The following PGR variants were observed in gnomAD, a reference collection of about 807,000 sequenced individuals.
PGR encodes the protein progesterone receptor, also known as nuclear receptor subfamily 3 group C member 3.
A neutral mutation model predicts 76.1 loss-of-function variants in PGR; 25 were observed. That is an observed-to-expected ratio of 0.33 (90% CI 0.24 to 0.46). The LOEUF (loss-of-function observed/expected upper bound fraction) is 0.46, where lower values mean the gene tolerates loss of function less well. Among genes scored for constraint, PGR ranks in the 20% least tolerant of loss-of-function variants. The probability of loss-of-function intolerance (pLI) is 1.00; values close to 1 mark genes in which losing one functional copy is unlikely to be tolerated. For missense variants in PGR, 1,172 were observed against 1,225.3 expected, an observed-to-expected ratio of 0.96 and a Z score of 0.65; for synonymous variants, 579 against 535.0, an observed-to-expected ratio of 1.08 and a Z score of -1.14.
intron 3 of PGR, among the ~76,000 whole-genome samples, chr11:101,088,620 C>G (rs1861573246): frequency 6.6e-6 from 1 of 152,162 alleles, no homozygotes; most frequent in Non-Finnish European, 1.5e-5. Context: ...GCATGAGCCA[C>G]CGCTCCCGGC....
intron 2 of PGR, among the ~76,000 whole-genome samples, chr11:101,113,270 C>CTT (rs879882028): frequency 1.3e-5 from 2 of 148,198 alleles, no homozygotes; most frequent in African/African-American, 2.5e-5. Context: ...TAAATATCTT[C>CTT]TTTTTTTTTT....
intron 3 of PGR, among the ~76,000 whole-genome samples, chr11:101,071,171 C>A (rs1312207978): frequency 3.3e-5 from 5 of 152,134 alleles, no homozygotes; most frequent in Non-Finnish European, 7.3e-5. Context: ...GCTAGTGATA[C>A]CCAGGCAAAC....
In PGR at chr11:101,128,048, C is replaced by T. The variant is rs762789408; in HGVS notation, c.1023G>A (p.Pro341=). ...ACGAGGCACAGGGTGAACTCCGCGG[C>T]GGGGCAAAGGCGCTGGCAGCCCCGG... is the stretch of plus-strand genomic sequence containing the variant. ...GGAGAASAFA[P]PRSSPCASST... Residue 341 remains proline, a synonymous_variant, in exon 1 of 8, where the codon CCG becomes CCA. Transcript: ENST00000325455. The T allele has an allele frequency of 6.2e-7, 1 of 1,604,444 alleles. No homozygotes were observed. Among genetic ancestry groups the T allele is most frequent in the South Asian group, 1.1e-5 (1 of 91,062 alleles).
At chr11:101,105,895 C>T (rs1024665811) in intron 2 of PGR, among the ~76,000 whole-genome samples, 2 of 152,068 alleles carry the variant, frequency 1.3e-5, no homozygotes, top group African/African-American at 4.8e-5. Flanking sequence ...GACCAATGGA[C>T]AGAAAAGAGA....
intron 3 of PGR, among the ~76,000 whole-genome samples, chr11:101,074,329 A>C (rs1312912874): frequency 3.9e-5 from 6 of 152,198 alleles, no homozygotes; most frequent in Non-Finnish European, 8.8e-5. Flanking sequence ...CCGTATCTCA[A>C]AATAATAAGA....
In PGR at chr11:101,111,401, A is replaced by G. The variant is rs547055362; in HGVS notation, c.1789+14606T>C. On this transcript the variant is annotated intron_variant, in intron 2 of 7. Coordinates refer to ENST00000325455, the MANE Select transcript of PGR (RefSeq NM_000926.4). Reference sequence around the variant, plus strand: ...CAGATCTCGATCAAAGAGTATTTTAAATAATCTTAGGTCTGATCTCCCTGG... The same window carrying G: ...CAGATCTCGATCAAAGAGTATTTTAGATAATCTTAGGTCTGATCTCCCTGG... Among the ~76,000 whole-genome samples, 25 of 152,276 alleles carry G rather than the reference A, an allele frequency of 1.6e-4. No individual in the cohort carries two copies. The South Asian group carries it at 5.0e-3, about 30-fold the overall frequency.
Position 101,096,097 on chromosome 11 carries a change from C to T in PGR, c.1790-4221G>A. On this transcript the variant is annotated intron_variant, in intron 2 of 7. Coordinates refer to ENST00000325455, the MANE Select transcript of PGR (RefSeq NM_000926.4). ...AGTATAAATAAGGAAATTATAGTTA[C>T]CAAACAGAATGCAATTCTTATAAGT... is the stretch of plus-strand genomic sequence containing the variant. Among the ~76,000 whole-genome samples the T allele has an allele frequency of 3.3e-5, 5 of 152,074 alleles. No individual in the cohort carries two copies. In the South Asian group the frequency reaches 1.0e-3, roughly 32 times the overall value.
intron 6 of PGR, among the ~76,000 whole-genome samples, chr11:101,049,111 C>A (rs1859996954): frequency 6.6e-6 from 1 of 151,892 alleles, no homozygotes; most frequent in Non-Finnish European, 1.5e-5. Flanking sequence ...TTTGCTTAAA[C>A]TTTTTTTAAA....
At chr11:101,100,845 T>C (rs117027372) in intron 2 of PGR, among the ~76,000 whole-genome samples, 2,943 of 151,668 alleles carry the variant, frequency 0.019, 40 homozygotes, top group Admixed American at 0.04. Context: ...GCACAGGACA[T>C]CCCCCCCTGC....
chr11:101,113,518 C>T (rs1356023366), intron 2 of PGR, among the ~76,000 whole-genome samples: 1 of 151,942 alleles, frequency 6.6e-6, no homozygotes, highest in Non-Finnish European at 1.5e-5. Flanking sequence ...GATCTGCCCA[C>T]CTCGGCCTTC....
rs772627575 is a variant in PGR at position 101,062,696 on chromosome 11, C to G, written c.1963G>C (p.Ala655Pro). ...GGAACGCCCACTGGCTGTGGGAGAG[C>G]AACAGCATCCAGTGCTCTCACAACT... ...VRVVRALDAV[A>P]LPQPVGVPNE... Residue 655 changes from alanine (A) to proline (P), a missense_variant, in exon 4 of 8, where the codon GCT becomes CCT. Around this residue, in one of 4 missense-constraint regions of PGR, gnomAD observed 73 missense variants for 60.7 expected, o/e 1.20. Transcript: ENST00000325455. 6 of 1,613,662 alleles carry G rather than the reference C, an allele frequency of 3.7e-6. No homozygotes were observed. The highest frequency in any genetic ancestry group is 5.1e-6 in the Non-Finnish European group (6 of 1,179,888).
chr11:101,121,843 T>C (rs1361351991), intron 2 of PGR, among the ~76,000 whole-genome samples: 1 of 152,160 alleles, frequency 6.6e-6, no homozygotes, highest in Non-Finnish European at 1.5e-5. Context: ...TTAAGGTAAT[T>C]ACTTCATGAA....
At chr11:101,126,331 T>A (rs578207748) in intron 1 of PGR, among the ~76,000 whole-genome samples, 173 bp from the exon 2 acceptor site, 1 of 152,304 alleles carries the variant, frequency 6.6e-6, no homozygotes, top group African/African-American at 2.4e-5. Context: ...CGTAACTGGA[T>A]TCACCATACT....
At chr11:101,112,416 T>C (rs551856859) in intron 2 of PGR, among the ~76,000 whole-genome samples, 10 of 152,274 alleles carry the variant, frequency 6.6e-5, no homozygotes, top group South Asian at 6.2e-4. Flanking sequence ...AATCTGGATC[T>C]AGTGGTCAAG....
rs1425983653 is a variant in PGR at position 101,129,055 on chromosome 11, C to T, written c.16G>A (p.Ala6Thr). 2 of 1,554,574 alleles carry T rather than the reference C, an allele frequency of 1.3e-6. No individual in the cohort carries two copies. The highest frequency in any genetic ancestry group is 1.4e-5 in the African/African-American group (1 of 73,838). The change falls in exon 1 of 8, where the codon GCA (alanine) becomes ACA (threonine). Residue 6 changes from alanine to threonine, a missense_variant. Around this residue, in one of 4 missense-constraint regions of PGR, gnomAD observed 893 missense variants for 785.9 expected, o/e 1.14. Transcript: ENST00000325455. ...ACGTGGGGAGCCCGGGGACCCTTTG[C>T]CTTCAGCTCAGTCATGACGACTGGA... MTELK[A>T]KGPRAPHVAG...
rs1446704615 is a variant in PGR at position 101,105,697 on chromosome 11, T to G, written c.1790-13821A>C. Among the ~76,000 whole-genome samples, 4 of 152,138 alleles carry G rather than the reference T, an allele frequency of 2.6e-5. No individual in the cohort carries two copies. The South Asian group carries it at 6.2e-4, about 24-fold the overall frequency. The stretch of plus-strand genomic sequence containing the variant: ...AATGTTATCCCCATCAAGCTACCAC[T>G]GACTTTCTTCACAGAATTGGAAAAA... On this transcript the variant is annotated intron_variant, in intron 2 of 7. Coordinates refer to ENST00000325455, the MANE Select transcript of PGR (RefSeq NM_000926.4).
In PGR at chr11:101,106,257, C is replaced by A. The variant is rs181274161; in HGVS notation, c.1790-14381G>T. Among the ~76,000 whole-genome samples, 126 of 152,236 alleles carry A rather than the reference C, an allele frequency of 8.3e-4. 1 individual carries two copies. Among genetic ancestry groups the A allele is most frequent in the Middle Eastern group, 3.4e-3 (1 of 294 alleles). ...CTAATTAAACTAAAGAACTTCTGCA[C>A]AGCAAAAGAAACTATCATCAGAGGG... On this transcript the variant is annotated intron_variant, in intron 2 of 7. Transcript: ENST00000325455.
chr11:101,129,438 C>T lies in PGR; in HGVS notation c.-368G>A, dbSNP rs771718839. On this transcript the variant is annotated 5_prime_UTR_variant, in exon 1 of 8. In the 5' UTR this introduces an upstream ATG that the reference lacks. Transcript: ENST00000325455. ...ACGCAGAGTACTCACAAGTCCGGCA[C>T]TTGAGTGGCTGCGGCTGCGACGGCA... The T allele has an allele frequency of 1.1e-5, 3 of 271,186 alleles. No individual in the cohort carries two copies. Among genetic ancestry groups the T allele is most frequent in the Non-Finnish European group, 2.1e-5 (3 of 144,008 alleles). 16.8% of individuals were successfully genotyped at this position (271,186 alleles called of 1,614,324 possible).
chr11:101,115,204 T>C lies in PGR; in HGVS notation c.1789+10803A>G, dbSNP rs141067794. Among the ~76,000 whole-genome samples the C allele has an allele frequency of 5.8e-3, 887 of 152,226 alleles. 13 individuals carry two copies. The highest frequency in any genetic ancestry group is 0.02 in the African/African-American group (832 of 41,534). Reference sequence around the variant, plus strand: ...CTGTAGTTTTTGTTTACAAAAGCCATTACAATTCTTGCTATCAAAAATTTC... The same window carrying C: ...CTGTAGTTTTTGTTTACAAAAGCCACTACAATTCTTGCTATCAAAAATTTC... On this transcript the variant is annotated intron_variant, in intron 2 of 7. Coordinates refer to ENST00000325455, the MANE Select transcript of PGR (RefSeq NM_000926.4).
Sources: gnomAD v4.1 joint callset for allele counts (sites outside exome capture counted in the v4.1 genomes callset) on GRCh38, gnomAD v4.1.1 for gene constraint, gnomAD v4.1.1 regional missense constraint, MANE v1.5 for transcripts, NCBI Gene and HGNC (gene_info 2026-07-23, HGNC 2026-07-21) for gene names.